The following CRMP1 variants were observed in gnomAD, a reference collection of about 807,000 sequenced individuals.
The protein encoded by CRMP1 is collapsin response mediator protein 1.
Under a neutral mutation model 68.3 loss-of-function variants are expected in CRMP1, and 19 were observed. That is an observed-to-expected ratio of 0.28 (90% CI 0.19 to 0.41). The LOEUF (loss-of-function observed/expected upper bound fraction) is 0.41. Among genes scored for constraint, CRMP1 ranks in the 10% least tolerant of loss-of-function variants. The pLI is 1.00. For missense variants in CRMP1, 791 were observed against 967.4 expected (o/e 0.82, Z 2.42); for synonymous variants, 439 against 399.6 (o/e 1.10, Z -1.18).
chr4:5,866,537 G>A lies in CRMP1; in HGVS notation c.470+131C>T. Reference sequence around the variant, plus strand: ...AGTGTGCACCTCCCCCAACCTCTGTGAGGTCTCTACCCCTGAAACACAGGT... The same window carrying A: ...AGTGTGCACCTCCCCCAACCTCTGTAAGGTCTCTACCCCTGAAACACAGGT... On this transcript the variant is annotated intron_variant, in intron 2 of 13. Transcript: ENST00000324989. This position sits in a 1 kb window ranked among gnomAD's most constrained non-coding sequence, Gnocchi z 5.9. The A allele has an allele frequency of 3.1e-6, 2 of 638,044 alleles. No homozygotes were observed. Among genetic ancestry groups the A allele is most frequent in the Non-Finnish European group, 5.4e-6 (2 of 369,938 alleles). The allele number at this position is 638,044 out of a possible 1,614,324, so 39.5% of individuals were successfully genotyped here.
intron 2 of CRMP1, among the ~76,000 whole-genome samples, chr4:5,864,537 C>T (rs569028709): frequency 6.6e-6 from 1 of 152,318 alleles, no homozygotes; most frequent in South Asian, 2.1e-4. Flanking sequence ...TTCCCTGAAT[C>T]GGTGCTCCAG....
rs1716003696 is a variant in CRMP1 at position 5,892,646 on chromosome 4, C to T, written c.324G>A (p.Thr108=). The T allele has an allele frequency of 5.0e-6, 6 of 1,192,870 alleles. No individual in the cohort carries two copies. The highest frequency in any genetic ancestry group is 4.5e-5 in the Admixed American group (1 of 22,090). 73.9% of individuals were successfully genotyped at this position (1,192,870 alleles called of 1,614,324 possible). ...GGGGCGCGGGGCGGCGGATGCGCAG[C>T]GTCGGCGGCCGCTCGTCGCGCTCTC... ...SPGERDERPP[T]LRIRRPAPRD... is the part of the protein sequence containing the mutation. The change falls in exon 1 of 14, where the codon ACG becomes ACA. Residue 108 remains threonine (T), a synonymous_variant. Transcript: ENST00000324989. This position sits in a 1 kb window ranked among gnomAD's most constrained non-coding sequence, Gnocchi z 8.6.
chr4:5,855,199 T>C lies in CRMP1; in HGVS notation c.820+944A>G, dbSNP rs1712955053. On this transcript the variant is annotated intron_variant, in intron 4 of 13. Transcript: ENST00000324989. The surrounding 1 kb of genome is among the most constrained non-coding windows in gnomAD (Gnocchi z 4.9). ...AATAATCCTGCACATTTAGAGTAAA[T>C]TGTGATTGGGGGTAGAACCAGAGGA... 6.6e-6 allele frequency among the ~76,000 whole-genome samples: 1 copy of C among 152,162 alleles called. No homozygotes were observed. Among genetic ancestry groups the C allele is most frequent in the Non-Finnish European group, 1.5e-5 (1 of 68,034 alleles).
In CRMP1 at chr4:5,858,315, C is replaced by T. The variant is rs1713280465; in HGVS notation, c.656-2008G>A. ...ACACCACTTGCTCTGAGCTACAGAA[C>T]TCTGAACCCGGTTGTGTTCTTGGCT... On this transcript the variant is annotated intron_variant, in intron 3 of 13. Coordinates refer to ENST00000324989, the MANE Select transcript of CRMP1 (RefSeq NM_001014809.3). This position sits in a 1 kb window ranked among gnomAD's most constrained non-coding sequence, Gnocchi z 5.5. Among the ~76,000 whole-genome samples the T allele has an allele frequency of 6.6e-6, 1 of 152,142 alleles. No individual in the cohort carries two copies. The highest frequency in any genetic ancestry group is 6.5e-5 in the Admixed American group (1 of 15,278).
Position 5,861,501 on chromosome 4 carries a change from G to A in CRMP1, c.471-291C>T, listed in dbSNP as rs971982341. On this transcript the variant is annotated intron_variant, in intron 2 of 13. Transcript: ENST00000324989. The surrounding 1 kb of genome is among the most constrained non-coding windows in gnomAD (Gnocchi z 6.0). Reference sequence around the variant, plus strand: ...ATCTAAGAAGGCTTCCAGGTGGAGGGGGTGGCAGAGCTGAATCCAACAGAA... The same window carrying A: ...ATCTAAGAAGGCTTCCAGGTGGAGGAGGTGGCAGAGCTGAATCCAACAGAA... Among the ~76,000 whole-genome samples, 1 of 152,178 alleles carries A rather than the reference G, an allele frequency of 6.6e-6. No homozygotes were observed. Among genetic ancestry groups the A allele is most frequent in the Non-Finnish European group, 1.5e-5 (1 of 68,036 alleles).
chr4:5,882,800 A>T (rs1297152297), intron 1 of CRMP1, among the ~76,000 whole-genome samples: 1 of 152,242 alleles, frequency 6.6e-6, no homozygotes, highest in Non-Finnish European at 1.5e-5. Flanking sequence ...AGAAGATCAG[A>T]GTGGCCTAGA....
rs1027459308 is a variant in CRMP1 at position 5,890,350 on chromosome 4, A to C, written c.381+2239T>G. 1.3e-5 allele frequency among the ~76,000 whole-genome samples: 2 copies of C among 152,194 alleles called. No homozygotes were observed. Among genetic ancestry groups the C allele is most frequent in the African/African-American group, 4.8e-5 (2 of 41,462 alleles). On this transcript the variant is annotated intron_variant, in intron 1 of 13. Coordinates refer to ENST00000324989, the MANE Select transcript of CRMP1 (RefSeq NM_001014809.3). This position sits in a 1 kb window ranked among gnomAD's most constrained non-coding sequence, Gnocchi z 5.5. ...CCGGTACAAAGCGCCGCAGCCGCTC[A>C]GCCTCCGGCAGCGGCAATCCTTGCG...
In CRMP1 at chr4:5,842,964, G is replaced by A; in HGVS notation, c.1032+129C>T. ...CAGGGTTCCCGGGGAAAACAAGATG[G>A]TTTGGGATGGTCTGGGAGAGGACAC... On this transcript the variant is annotated intron_variant, in intron 7 of 13. Transcript: ENST00000324989. This position sits in a 1 kb window ranked among gnomAD's most constrained non-coding sequence, Gnocchi z 4.5. 2.4e-6 allele frequency: 2 copies of A among 847,368 alleles called. No individual in the cohort carries two copies. The highest frequency in any genetic ancestry group is 5.0e-5 in the East Asian group (2 of 40,352). The allele number at this position is 847,368 out of a possible 1,614,324, so 52.5% of individuals were successfully genotyped here. A position where few individuals can be genotyped will look rare whatever the true frequency, so the allele number is the denominator to read the frequency against.
In CRMP1 at chr4:5,843,015, C is replaced by T; in HGVS notation, c.1032+78G>A. 1.4e-6 allele frequency: 2 copies of T among 1,406,218 alleles called. No homozygotes were observed. The highest frequency in any genetic ancestry group is 2.0e-6 in the Non-Finnish European group (2 of 995,204). The allele number at this position is 1,406,218 out of a possible 1,614,324, so 87.1% of individuals were successfully genotyped here. On this transcript the variant is annotated intron_variant, in intron 7 of 13. Transcript: ENST00000324989. The surrounding 1 kb of genome is among the most constrained non-coding windows in gnomAD (Gnocchi z 4.1). Reference sequence around the variant, plus strand: ...GGGAAGAGGCCGGGTCCTGGCTGGGCTACTCCAGCTGGAACAGCATCAAGG... The same window carrying T: ...GGGAAGAGGCCGGGTCCTGGCTGGGTTACTCCAGCTGGAACAGCATCAAGG...
At position 5,836,026 on chromosome 4, in the gene CRMP1, C is replaced by A; in HGVS notation, c.1512G>T (p.Lys504Asn). 6.2e-7 allele frequency: 1 copy of A among 1,602,878 alleles called. No homozygotes were observed. Among genetic ancestry groups the A allele is most frequent in the Non-Finnish European group, 8.5e-7 (1 of 1,174,670 alleles). ...FVAVTSTNAAKIFNLYPRKGR... is the reference protein window; with the variant it reads ...FVAVTSTNAANIFNLYPRKGR... ...CTTTCCTTGGGTACAGGTTAAAGAT[C>A]TTGGCTGCATTGGTGCTGGTGACAG... The change falls in exon 11 of 14, where the codon AAG becomes AAT. Residue 504 changes from lysine (K) to asparagine (N), a missense_variant. Physicochemically the swap from Lys to Asn is moderately conservative, Grantham distance 94. Coordinates refer to ENST00000324989, the MANE Select transcript of CRMP1 (RefSeq NM_001014809.3).
intron 12 of CRMP1, among the ~76,000 whole-genome samples, chr4:5,827,746 C>CAT (rs1553902564): frequency 2.0e-5 from 3 of 152,056 alleles, no homozygotes; most frequent in Admixed American, 6.5e-5. Context: ...CACACACACA[C>CAT]ACACACACGA....
In CRMP1 at chr4:5,865,052, C is replaced by T. The variant is rs1300207456; in HGVS notation, c.470+1616G>A. Among the ~76,000 whole-genome samples the T allele has an allele frequency of 6.6e-6, 1 of 151,554 alleles. No individual in the cohort carries two copies. Among genetic ancestry groups the T allele is most frequent in the Non-Finnish European group, 1.5e-5 (1 of 67,982 alleles). ...CCCTTTCAATGCCCCCAATACTCCA[C>T]AGCCCCTTTCCCCCAGCCTCCTCCT... On this transcript the variant is annotated intron_variant, in intron 2 of 13. Transcript: ENST00000324989. This position sits in a 1 kb window ranked among gnomAD's most constrained non-coding sequence, Gnocchi z 4.1.
At chr4:5,828,106 G>A in intron 12 of CRMP1, 1 of 985,418 alleles carries the variant, frequency 1.0e-6, no homozygotes, top group Non-Finnish European at 1.2e-6. Flanking sequence ...TCTGAGCCGT[G>A]ACTCTGGCTA....
chr4:5,878,829 G>T (rs1259531426), intron 1 of CRMP1, among the ~76,000 whole-genome samples: 2 of 151,796 alleles, frequency 1.3e-5, no homozygotes, highest in South Asian at 2.1e-4. Context: ...CTTGCAACGT[G>T]GGGTAACATC....
Position 5,838,769 on chromosome 4 carries a change from C to A in CRMP1, c.1310+753G>T, listed in dbSNP as rs773314193. ...CGTGGGCGCACACCACTGCCCCCTC[C>A]TCCAAGGTTCCTTCTGCCAAGAAGC... is the stretch of plus-strand genomic sequence containing the variant. On this transcript the variant is annotated intron_variant, in intron 9 of 13. Transcript: ENST00000324989. This position sits in a 1 kb window ranked among gnomAD's most constrained non-coding sequence, Gnocchi z 4.9. Among the ~76,000 whole-genome samples, 2 of 152,174 alleles carry A rather than the reference C, an allele frequency of 1.3e-5. No homozygotes were observed. Among genetic ancestry groups the A allele is most frequent in the African/African-American group, 2.4e-5 (1 of 41,434 alleles).
rs1054634433 is a variant in CRMP1 at position 5,838,169 on chromosome 4, G to A, written c.1311-1263C>T. Reference sequence around the variant, plus strand: ...AAACCATGTGGCGTCTAAGAAAGAGGGAACTAGCCAGGGGTTCCCATGAGT... The same window carrying A: ...AAACCATGTGGCGTCTAAGAAAGAGAGAACTAGCCAGGGGTTCCCATGAGT... On this transcript the variant is annotated intron_variant, in intron 9 of 13. Transcript: ENST00000324989. This position sits in a 1 kb window ranked among gnomAD's most constrained non-coding sequence, Gnocchi z 4.9. Among the ~76,000 whole-genome samples the A allele has an allele frequency of 2.0e-5, 3 of 152,108 alleles. No individual in the cohort carries two copies. In the South Asian group the frequency reaches 6.2e-4, roughly 32 times the overall value.
At position 5,841,952 on chromosome 4, in the gene CRMP1, G is replaced by A. The variant is rs571420382; in HGVS notation, c.1033-524C>T. 1.4e-4 allele frequency among the ~76,000 whole-genome samples: 22 copies of A among 152,336 alleles called. No individual in the cohort carries two copies. The highest frequency in any genetic ancestry group is 5.1e-4 in the African/African-American group (21 of 41,582). On this transcript the variant is annotated intron_variant, in intron 7 of 13. Coordinates refer to ENST00000324989, the MANE Select transcript of CRMP1 (RefSeq NM_001014809.3). The surrounding 1 kb of genome is among the most constrained non-coding windows in gnomAD (Gnocchi z 6.9). ...TCCCAGCACTTTGGGAGGCCAAGAC[G>A]GATGGATCACTTGAGGTCGGAAGTT... is the stretch of plus-strand genomic sequence containing the variant.
rs771911758 is a variant in CRMP1 at position 5,850,733 on chromosome 4, T to C, written c.882+675A>G. Among the ~76,000 whole-genome samples the C allele has an allele frequency of 6.6e-6, 1 of 152,162 alleles. No homozygotes were observed. Among genetic ancestry groups the C allele is most frequent in the Non-Finnish European group, 1.5e-5 (1 of 68,020 alleles). On this transcript the variant is annotated intron_variant, in intron 5 of 13. Coordinates refer to ENST00000324989, the MANE Select transcript of CRMP1 (RefSeq NM_001014809.3). This position sits in a 1 kb window ranked among gnomAD's most constrained non-coding sequence, Gnocchi z 4.4. ...GCACCTGGCTTGGCTGTAGCCTCCATGATTTTCTCCACCACACTAACAAGC... is the reference window on the plus strand; with the variant it reads ...GCACCTGGCTTGGCTGTAGCCTCCACGATTTTCTCCACCACACTAACAAGC...
At chr4:5,835,885 T>A (rs766979454) in intron 11 of CRMP1, 30 bp downstream of exon 11, 2 of 1,411,400 alleles carry the variant, frequency 1.4e-6, no homozygotes, top group Non-Finnish European at 1.9e-6. Flanking sequence ...GAATCACTTA[T>A]CTCAGCAGCA....
Sources: gnomAD v4.1 joint callset for allele counts (sites outside exome capture counted in the v4.1 genomes callset) on GRCh38, gnomAD v4.1.1 for gene constraint, Gnocchi (gnomAD v3.1) non-coding constraint, MANE v1.5 for transcripts, NCBI Gene and HGNC (gene_info 2026-07-23, HGNC 2026-07-21) for gene names.